Variants in ATXN1 observed in about 807,000 individuals in gnomAD.
ATXN1 encodes the protein ataxin-1.
A neutral mutation model predicts 56.4 loss-of-function variants in ATXN1; 8 were observed. That is an observed-to-expected ratio of 0.14 (90% CI 0.08 to 0.26). ATXN1 has a LOEUF of 0.26. Among genes scored for constraint, ATXN1 ranks in the 10% least tolerant of loss-of-function variants. The probability of loss-of-function intolerance (pLI) is 1.00; values close to 1 mark genes in which losing one functional copy is unlikely to be tolerated. For missense variants in ATXN1, 987 were observed against 1,106.5 expected, an observed-to-expected ratio of 0.89 and a Z score of 1.53; for synonymous variants, 514 against 494.6, an observed-to-expected ratio of 1.04 and a Z score of -0.52.
intron 2 of ATXN1, among the ~76,000 whole-genome samples, chr6:16,662,902 G>A (rs532201560): frequency 2.6e-5 from 4 of 151,292 alleles, no homozygotes; most frequent in Admixed American, 2.6e-4. Flanking sequence ...GGTTTTCCCT[G>A]AAACTACTCA....
At chr6:16,465,913 G>A (rs1561906806) in intron 6 of ATXN1, among the ~76,000 whole-genome samples, 1 of 152,134 alleles carries the variant, frequency 6.6e-6, no homozygotes, top group Non-Finnish European at 1.5e-5. Context: ...CTTGCTTTGA[G>A]GGAAAGTAAA....
intron 4 of ATXN1, among the ~76,000 whole-genome samples, chr6:16,542,091 C>T (rs547562454): frequency 6.6e-6 from 1 of 151,960 alleles, no homozygotes; most frequent in South Asian, 2.1e-4. Context: ...TTGTCAAGTG[C>T]TTTAAGGCGC....
At chr6:16,641,611 C>T (rs1763707357) in intron 3 of ATXN1, among the ~76,000 whole-genome samples, 1 of 152,234 alleles carries the variant, frequency 6.6e-6, no homozygotes, top group South Asian at 2.1e-4. Context: ...CTTCGTCACT[C>T]ATCTAAGAGC....
At chr6:16,378,196 C>T (rs2113501374) in intron 6 of ATXN1, among the ~76,000 whole-genome samples, 1 of 152,348 alleles carries the variant, frequency 6.6e-6, no homozygotes, top group East Asian at 1.9e-4. Context: ...TACTTGCTAA[C>T]TCCTACCCAG....
At chr6:16,622,567 C>T (rs1376002251) in intron 3 of ATXN1, among the ~76,000 whole-genome samples, 1 of 152,126 alleles carries the variant, frequency 6.6e-6, no homozygotes, top group Non-Finnish European at 1.5e-5. Context: ...TAGTTATATC[C>T]TTCAATCTAA....
At chr6:16,434,352 G>T (rs1022767538) in intron 6 of ATXN1, among the ~76,000 whole-genome samples, 2 of 152,160 alleles carry the variant, frequency 1.3e-5, no homozygotes, top group Non-Finnish European at 2.9e-5. Context: ...GGCATGGATG[G>T]GCGAGGAGGT....
intron 3 of ATXN1, among the ~76,000 whole-genome samples, chr6:16,649,239 T>C (rs1763853816): frequency 6.6e-6 from 1 of 152,240 alleles, no homozygotes; most frequent in South Asian, 2.1e-4. Flanking sequence ...GCCAAGTTAT[T>C]TTTTTCTCTT....
intron 1 of ATXN1, among the ~76,000 whole-genome samples, chr6:16,756,464 C>G (rs989074025): frequency 6.6e-6 from 1 of 152,088 alleles, no homozygotes; most frequent in African/African-American, 2.4e-5. Context: ...TTTCTATTAC[C>G]ATTTCTACAA....
chr6:16,526,064 T>TATATATATATATATATACACACAC (rs370698828), intron 4 of ATXN1, among the ~76,000 whole-genome samples: 1 of 133,310 alleles, frequency 7.5e-6, no homozygotes, highest in African/African-American at 3.1e-5. Context: ...TATATATATA[T>TATATATATATATATATACACACAC]ACATACATAC....
At chr6:16,677,324 C>G (rs1758708717) in intron 2 of ATXN1, among the ~76,000 whole-genome samples, 1 of 152,256 alleles carries the variant, frequency 6.6e-6, no homozygotes, top group Non-Finnish European at 1.5e-5. Context: ...AGAATCAGTG[C>G]TATTTGAAAA....
intron 6 of ATXN1, among the ~76,000 whole-genome samples, chr6:16,358,927 G>C (rs963540348): frequency 5.9e-5 from 9 of 152,206 alleles, no homozygotes; most frequent in African/African-American, 2.2e-4. Context: ...ACAAGCGGGA[G>C]CCCTGCCCCT....
rs115988852 is a variant in ATXN1 at position 16,473,561 on chromosome 6, T to C, written c.-161+12411A>G. Among the ~76,000 whole-genome samples, 962 of 152,234 alleles carry C rather than the reference T, an allele frequency of 6.3e-3. 2 individuals are homozygous for C. Among genetic ancestry groups the C allele is most frequent in the Middle Eastern group, 0.014 (4 of 294 alleles). ...AAACATGTTGGAAGGAAAAGAGTCT[T>C]TGGCTGGGTGATGACAATGACAAGA... On this transcript the variant is annotated intron_variant, in intron 6 of 7. Transcript: ENST00000436367.
intron 3 of ATXN1, among the ~76,000 whole-genome samples, chr6:16,628,183 G>A (rs1351357863): frequency 6.6e-6 from 1 of 152,218 alleles, no homozygotes; most frequent in East Asian, 1.9e-4. Flanking sequence ...ATTAATGCAG[G>A]TGGAAGCAGT....
chr6:16,364,365 C>T (rs922427671), intron 6 of ATXN1, among the ~76,000 whole-genome samples: 4 of 151,592 alleles, frequency 2.6e-5, no homozygotes, highest in Admixed American at 6.6e-5. Context: ...AGTGCAGTGG[C>T]GCGATCTCAG....
At chr6:16,487,941 G>A (rs903463120) in intron 5 of ATXN1, among the ~76,000 whole-genome samples, 1 of 152,178 alleles carries the variant, frequency 6.6e-6, no homozygotes, top group African/African-American at 2.4e-5. Context: ...AACTGATCTA[G>A]TGATGTACAA....
chr6:16,479,747 T>C (rs1181544388), intron 6 of ATXN1, among the ~76,000 whole-genome samples: 4 of 152,180 alleles, frequency 2.6e-5, no homozygotes, highest in Admixed American at 1.3e-4. Flanking sequence ...ACATCTTTAG[T>C]TTTGTTTGGG....
chr6:16,757,958 A>G (rs1760939858), intron 1 of ATXN1, among the ~76,000 whole-genome samples: 1 of 152,180 alleles, frequency 6.6e-6, no homozygotes, highest in Non-Finnish European at 1.5e-5. Flanking sequence ...AATAAAGTAC[A>G]TGTTTATTGT....
At chr6:16,681,364 A>T (rs1282209425) in intron 2 of ATXN1, among the ~76,000 whole-genome samples, 3 of 152,268 alleles carry the variant, frequency 2.0e-5, no homozygotes, top group African/African-American at 7.2e-5. Flanking sequence ...GGGTGACGCC[A>T]TGGGGCCACG....
intron 3 of ATXN1, among the ~76,000 whole-genome samples, chr6:16,638,059 T>C (rs1416933555): frequency 6.6e-6 from 1 of 152,132 alleles, no homozygotes; most frequent in African/African-American, 2.4e-5. Context: ...AACATATTCA[T>C]AATCAGGGGT....
Sources: gnomAD v4.1 joint callset for allele counts (sites outside exome capture counted in the v4.1 genomes callset) on GRCh38, gnomAD v4.1.1 for gene constraint, MANE v1.5 for transcripts, NCBI Gene and HGNC (gene_info 2026-07-23, HGNC 2026-07-21) for gene names.